The following RALGAPA2 variants were observed in gnomAD, a reference collection of about 807,000 sequenced individuals.
RALGAPA2 encodes the protein Ral GTPase activating protein catalytic subunit alpha 2, also known as ral GTPase-activating protein subunit alpha-2.
A neutral mutation model predicts 230.4 loss-of-function variants in RALGAPA2; 139 were observed. That is an observed-to-expected ratio of 0.60 (90% confidence interval 0.53 to 0.69). RALGAPA2 has a LOEUF of 0.69. Among genes scored for constraint, RALGAPA2 ranks in the 30% least tolerant of loss-of-function variants. The probability of loss-of-function intolerance (pLI) is 0.00; values close to 1 mark genes in which losing one functional copy is unlikely to be tolerated. For synonymous variants in RALGAPA2, 847 were observed against 837.8 expected (o/e 1.01, Z -0.19); for missense variants, 2,163 against 2,276.0 (o/e 0.95, Z 1.01).
chr20:20,474,917 G>A (rs1418507367), intron 36 of RALGAPA2, among the ~76,000 whole-genome samples: 5 of 152,142 alleles, frequency 3.3e-5, no homozygotes, highest in African/African-American at 1.2e-4. Flanking sequence ...AAAAGATCAA[G>A]AAAAGAGACT....
chr20:20,449,292 A>T (rs1397638681), intron 37 of RALGAPA2, among the ~76,000 whole-genome samples: 1 of 152,244 alleles, frequency 6.6e-6, no homozygotes, highest in African/African-American at 2.4e-5. Flanking sequence ...AGGCTTTGAC[A>T]TCATTCAATC....
chr20:20,452,657 C>T (rs910427147), intron 37 of RALGAPA2, among the ~76,000 whole-genome samples: 1 of 152,222 alleles, frequency 6.6e-6, no homozygotes, highest in Non-Finnish European at 1.5e-5. Context: ...CAATGCCGGC[C>T]TTCAGAGGGG....
intron 18 of RALGAPA2, among the ~76,000 whole-genome samples, chr20:20,585,751 C>T (rs1356471206): frequency 6.6e-6 from 1 of 151,958 alleles, no homozygotes; most frequent in East Asian, 1.9e-4. Context: ...TTATACCAGG[C>T]CATGCAGGGC....
At chr20:20,679,435 T>C (rs887126349) in intron 2 of RALGAPA2, among the ~76,000 whole-genome samples, 7 of 152,306 alleles carry the variant, frequency 4.6e-5, no homozygotes, top group East Asian at 3.9e-4. Flanking sequence ...AGCCTTCCAA[T>C]TGGTGTTCTT....
intron 10 of RALGAPA2, among the ~76,000 whole-genome samples, chr20:20,626,259 G>A (rs2066487436): frequency 1.3e-5 from 2 of 152,224 alleles, no homozygotes; most frequent in South Asian, 4.1e-4. Flanking sequence ...GACCAACAGA[G>A]CAATAAAATG....
chr20:20,402,393 T>C (rs1260072076), intron 38 of RALGAPA2, among the ~76,000 whole-genome samples: 1 of 152,266 alleles, frequency 6.6e-6, no homozygotes, highest in Non-Finnish European at 1.5e-5. Context: ...TAAAGTCTCT[T>C]GAATCACTTT....
At chr20:20,608,337 G>A (rs1028481102) in intron 14 of RALGAPA2, among the ~76,000 whole-genome samples, 2 of 152,146 alleles carry the variant, frequency 1.3e-5, no homozygotes, top group Admixed American at 1.3e-4. Flanking sequence ...TACCATCAGA[G>A]CTTCAAGCAT....
intron 1 of RALGAPA2, among the ~76,000 whole-genome samples, chr20:20,698,438 G>A (rs990753369): frequency 4.6e-5 from 7 of 152,092 alleles, no homozygotes; most frequent in African/African-American, 1.7e-4. Context: ...TCACCAGACT[G>A]GAGTGTGGTG....
chr20:20,441,795 AT>A (rs2060747525), intron 37 of RALGAPA2, among the ~76,000 whole-genome samples: 1 of 152,240 alleles, frequency 6.6e-6, no homozygotes, highest in African/African-American at 2.4e-5. Context: ...TTTGGAGATC[AT>A]TTTAAAACAG....
intron 8 of RALGAPA2, among the ~76,000 whole-genome samples, chr20:20,636,189 G>C (rs1178044067): frequency 1.3e-5 from 2 of 152,044 alleles, no homozygotes; most frequent in African/African-American, 2.4e-5. Flanking sequence ...CTTTTCCAAA[G>C]ACTTAATAAG....
intron 39 of RALGAPA2, among the ~76,000 whole-genome samples, chr20:20,394,003 T>C (rs1385328527): frequency 6.6e-6 from 1 of 152,112 alleles, no homozygotes; most frequent in Non-Finnish European, 1.5e-5. Flanking sequence ...TTAAACCCTG[T>C]TGTATTATGC....
chr20:20,505,303 T>C, intron 34 of RALGAPA2, 108 bp downstream of exon 34: 2 of 1,288,788 alleles, frequency 1.6e-6, no homozygotes, highest in Admixed American at 3.6e-5. Flanking sequence ...ACTCTATCTA[T>C]GCTATATTTG....
chr20:20,653,516 T>G lies in RALGAPA2; in HGVS notation c.328+14A>C, dbSNP rs768056627. ...AGAAATTCATATTACTAAAAAATTT[T>G]TAATTGTTCTTACCTATACTCTGGT... On this transcript the variant is annotated intron_variant, in intron 4 of 39. Transcript: ENST00000202677. The G allele has an allele frequency of 3.8e-5, 54 of 1,429,170 alleles. No homozygotes were observed. The highest frequency in any genetic ancestry group is 4.5e-5 in the Non-Finnish European group (47 of 1,047,414). 88.5% of individuals were successfully genotyped at this position (1,429,170 alleles called of 1,614,324 possible).
chr20:20,644,044 CG>C (rs982028022), intron 4 of RALGAPA2, among the ~76,000 whole-genome samples: 2 of 152,062 alleles, frequency 1.3e-5, no homozygotes, highest in Non-Finnish European at 2.9e-5. Context: ...AAGGCTGACT[CG>C]GAACTCCAGT....
At chr20:20,546,244 T>TA (rs779586761) in intron 24 of RALGAPA2, among the ~76,000 whole-genome samples, 16 of 152,214 alleles carry the variant, frequency 1.1e-4, no homozygotes, top group Non-Finnish European at 2.1e-4. Context: ...AGAGAATACA[T>TA]ATTTACTTCT....
intron 37 of RALGAPA2, among the ~76,000 whole-genome samples, chr20:20,458,083 G>A (rs749668071): frequency 3.4e-4 from 51 of 152,222 alleles, no homozygotes; most frequent in Non-Finnish European, 6.3e-4. Flanking sequence ...GCCACGGTCA[G>A]CAATGCGCCC....
At chr20:20,572,479 G>C (rs989283230) in intron 21 of RALGAPA2, among the ~76,000 whole-genome samples, 1 of 150,336 alleles carries the variant, frequency 6.7e-6, no homozygotes, top group African/African-American at 2.4e-5. Context: ...TGTACTCTAA[G>C]ATTCTACTTT....
rs528168216 is a variant in RALGAPA2, at chr20:20,555,676, T to C, written c.3157-8844A>G. On this transcript the variant is annotated intron_variant, in intron 23 of 39. Transcript: ENST00000202677. ...CTTTTTGATGCTATTGTAAATAGAA[T>C]TGCTTTCTTAATTTCATTTTAAATT... is the stretch of plus-strand genomic sequence containing the variant. Among the ~76,000 whole-genome samples, 58 of 152,342 alleles carry C rather than the reference T, an allele frequency of 3.8e-4. 1 individual carries two copies. Among genetic ancestry groups the C allele is most frequent in the Admixed American group, 2.1e-3 (32 of 15,300 alleles).
intron 30 of RALGAPA2, among the ~76,000 whole-genome samples, chr20:20,522,376 C>T (rs73289182): frequency 0.011 from 1,685 of 152,082 alleles, 26 homozygotes; most frequent in African/African-American, 0.039. Context: ...CTATATATCA[C>T]CAAGAGTGAA....
Sources: gnomAD v4.1 joint callset for allele counts (sites outside exome capture counted in the v4.1 genomes callset) on GRCh38, gnomAD v4.1.1 for gene constraint, MANE v1.5 for transcripts, NCBI Gene and HGNC (gene_info 2026-07-23, HGNC 2026-07-21) for gene names.